The following MEGF11 variants were observed in gnomAD, a reference collection of about 807,000 sequenced individuals.
The protein encoded by MEGF11 is multiple epidermal growth factor-like domains protein 11.
Under a neutral mutation model 146.6 loss-of-function variants are expected in MEGF11, and 126 were observed. That is an observed-to-expected ratio of 0.86 (90% CI 0.74 to 1.00). The LOEUF is 1.00. Ranked by LOEUF, MEGF11 falls within the 50% of genes least tolerant of loss-of-function variation. The probability of loss-of-function intolerance (pLI) is 0.00; values close to 1 mark genes in which losing one functional copy is unlikely to be tolerated. For missense variants in MEGF11, 1,509 were observed against 1,521.2 expected (o/e 0.99, Z 0.13); for synonymous variants, 532 against 583.4 (o/e 0.91, Z 1.27).
chr15:65,929,126 A>C (rs1195045831), intron 12 of MEGF11, among the ~76,000 whole-genome samples: 1 of 152,230 alleles, frequency 6.6e-6, no homozygotes, highest in Non-Finnish European at 1.5e-5. Context: ...GATGTGACAA[A>C]GCCAAGATTT....
At chr15:66,030,191 C>A (rs1188477380) in intron 5 of MEGF11, among the ~76,000 whole-genome samples, 1 of 152,180 alleles carries the variant, frequency 6.6e-6, no homozygotes, top group Non-Finnish European at 1.5e-5. Flanking sequence ...AACTCATATG[C>A]TATGTACCTG....
chr15:66,071,838 G>A (rs75600350), intron 5 of MEGF11, among the ~76,000 whole-genome samples: 2,685 of 152,288 alleles, frequency 0.018, 84 homozygotes, highest in African/African-American at 0.06. Context: ...GGCAATATGT[G>A]TCATCTGCAT....
intron 1 of MEGF11, among the ~76,000 whole-genome samples, chr15:66,148,659 C>G (rs753895708): frequency 2.0e-5 from 3 of 152,218 alleles, no homozygotes; most frequent in African/African-American, 4.8e-5. Context: ...GCCTGCCCAG[C>G]CAGTGCCCCC....
At chr15:66,051,891 A>G (rs1486619612) in intron 5 of MEGF11, among the ~76,000 whole-genome samples, 1 of 152,232 alleles carries the variant, frequency 6.6e-6, no homozygotes, top group African/African-American at 2.4e-5. Context: ...TTGAGCCCAC[A>G]TTTATAATAG....
At chr15:65,965,356 G>A in intron 8 of MEGF11, 1 of 453,928 alleles carries the variant, frequency 2.2e-6, no homozygotes, top group Non-Finnish European at 3.9e-6. Flanking sequence ...CAATGAGTTT[G>A]TACCACCATA....
intron 1 of MEGF11, among the ~76,000 whole-genome samples, chr15:66,173,776 T>C (rs1265153252): frequency 6.6e-6 from 1 of 152,110 alleles, no homozygotes; most frequent in Non-Finnish European, 1.5e-5. Context: ...AGGGTCCAAC[T>C]CACCCTCTAC....
chr15:65,912,710 C>G (rs2078855141), intron 20 of MEGF11, among the ~76,000 whole-genome samples: 1 of 152,312 alleles, frequency 6.6e-6, no homozygotes, highest in East Asian at 1.9e-4. Context: ...AGAAAATCCC[C>G]AAATCTGTGT....
At position 65,981,812 on chromosome 15, in the gene MEGF11, C is replaced by T. The variant is rs78402882; in HGVS notation, c.641+430G>A. The stretch of plus-strand genomic sequence containing the variant: ...GTATCTGCCTAGGACCCTCACCTCT[C>T]TCTGTCCCAAATGCCCTAGAAGGGA... On this transcript the variant is annotated intron_variant, in intron 6 of 25. Coordinates refer to ENST00000395614, the MANE Select transcript of MEGF11 (RefSeq NM_001385028.1). 3.0e-4 allele frequency among the ~76,000 whole-genome samples: 46 copies of T among 152,284 alleles called. 1 individual carries two copies. In the East Asian group the frequency reaches 8.1e-3, roughly 27 times the overall value.
chr15:66,167,567 C>A (rs920453026), intron 1 of MEGF11, among the ~76,000 whole-genome samples: 6 of 152,110 alleles, frequency 3.9e-5, no homozygotes, highest in African/African-American at 1.2e-4. Context: ...ATCGCTTGAA[C>A]CCGGGAGGCA....
intron 10 of MEGF11, among the ~76,000 whole-genome samples, chr15:65,932,338 G>A (rs1328392457): frequency 1.3e-5 from 2 of 152,138 alleles, no homozygotes; most frequent in African/African-American, 2.4e-5. Context: ...CCTCACCTGC[G>A]AGCCACTAAA....
chr15:66,119,026 C>T, intron 4 of MEGF11, 60 bp downstream of exon 4: 1 of 1,169,814 alleles, frequency 8.5e-7, no homozygotes, highest in Non-Finnish European at 1.2e-6. Flanking sequence ...CCTCCCCTCC[C>T]CTCCTTTTGC....
chr15:66,150,669 G>A (rs927894213), intron 1 of MEGF11, among the ~76,000 whole-genome samples: 1 of 149,758 alleles, frequency 6.7e-6, no homozygotes, highest in Non-Finnish European at 1.5e-5. Flanking sequence ...GTTCACCTGG[G>A]AATCTGTTAG....
intron 15 of MEGF11, 135 bp from the exon 16 acceptor site, chr15:65,918,229 C>T (rs2079066982): frequency 7.9e-7 from 1 of 1,259,848 alleles, no homozygotes; most frequent in Non-Finnish European, 1.1e-6. Context: ...GGAGACCACG[C>T]CCGCCTTGGT....
At chr15:66,165,269 A>G (rs954163718) in intron 1 of MEGF11, among the ~76,000 whole-genome samples, 1 of 151,758 alleles carries the variant, frequency 6.6e-6, no homozygotes, top group African/African-American at 2.4e-5. Flanking sequence ...CAAACTATAA[A>G]CCTCCCCAAG....
At chr15:66,234,956 G>C (rs1438212346) in intron 1 of MEGF11, among the ~76,000 whole-genome samples, 1 of 152,166 alleles carries the variant, frequency 6.6e-6, no homozygotes, top group Non-Finnish European at 1.5e-5. Context: ...TCAGGGTCTG[G>C]TGATGTCATT....
At chr15:65,999,524 C>G (rs779647496) in intron 5 of MEGF11, among the ~76,000 whole-genome samples, 3 of 152,134 alleles carry the variant, frequency 2.0e-5, no homozygotes, top group Non-Finnish European at 4.4e-5. Context: ...CCCATCAGGC[C>G]CCTGAGCTTT....
At chr15:66,056,159 T>A (rs1238578253) in intron 5 of MEGF11, among the ~76,000 whole-genome samples, 1 of 151,774 alleles carries the variant, frequency 6.6e-6, no homozygotes, top group Non-Finnish European at 1.5e-5. Flanking sequence ...TGCATTCCAG[T>A]GGGAGAAGTG....
intron 1 of MEGF11, among the ~76,000 whole-genome samples, chr15:66,214,539 GA>G (rs1279763623): frequency 3.3e-5 from 5 of 152,244 alleles, no homozygotes; most frequent in Non-Finnish European, 7.3e-5. Flanking sequence ...AGCAGAAGAA[GA>G]AGGGGCAGGC....
intron 1 of MEGF11, among the ~76,000 whole-genome samples, chr15:66,180,994 T>C (rs1409628205): frequency 6.6e-6 from 1 of 152,246 alleles, no homozygotes; most frequent in Non-Finnish European, 1.5e-5. Context: ...TTACATCTTA[T>C]GCGATTTTTA....
Sources: allele counts gnomAD v4.1 joint callset (sites outside exome capture counted in the v4.1 genomes callset), GRCh38; gene constraint gnomAD v4.1.1; transcripts MANE v1.5; gene names NCBI Gene and HGNC (gene_info 2026-07-23, HGNC 2026-07-21).